Variants in ZNF35 observed in about 807,000 individuals in gnomAD.
ZNF35 encodes zinc finger protein 35 (clone HF.10).
A neutral mutation model predicts 45.9 loss-of-function variants in ZNF35; 31 were observed. The ratio of observed to expected loss-of-function variants is 0.68; its 90% CI spans 0.51 to 0.91. ZNF35 has a LOEUF of 0.91. Ranked by LOEUF, ZNF35 falls within the 40% of genes least tolerant of loss-of-function variation. The pLI is 0.00. For synonymous variants in ZNF35, 205 were observed against 220.2 expected, an observed-to-expected ratio of 0.93 and a Z score of 0.61; for missense variants, 515 against 625.4, an observed-to-expected ratio of 0.82 and a Z score of 1.88.
chr3:44,651,610 T>TTGA (rs1276919189), intron 2 of ZNF35, among the ~76,000 whole-genome samples: 2 of 152,092 alleles, frequency 1.3e-5, no homozygotes, highest in Non-Finnish European at 2.9e-5. Context: ...GGAGGATCAC[T>TTGA]TGAGGTCAGG....
Position 44,659,832 on chromosome 3 carries a change from C to A in ZNF35, c.1469C>A (p.Thr490Asn), listed in dbSNP as rs375745858. ...GKAFRQRSSL[T>N]VHQRTHTGEK... ...GCCTTCAGACAGAGGTCGAGCCTCA[C>A]CGTGCACCAGAGAACCCACACTGGG... is the stretch of plus-strand genomic sequence containing the variant. The change falls in exon 4 of 4, where the codon ACC (threonine) becomes AAC (asparagine). Residue 490 changes from threonine to asparagine, a missense_variant. By Grantham distance (65) the Thr-to-Asn change is moderately conservative. Transcript: ENST00000396056. The surrounding 1 kb of genome is among the most constrained non-coding windows in gnomAD (Gnocchi z 4.3). 2.7e-5 allele frequency: 44 copies of A among 1,607,196 alleles called. No individual in the cohort carries two copies. Among genetic ancestry groups the A allele is most frequent in the Non-Finnish European group, 3.6e-5 (42 of 1,177,352 alleles).
In ZNF35 at chr3:44,659,156, C is replaced by T. The variant is rs1471788133; in HGVS notation, c.793C>T (p.Leu265Phe). 6.2e-7 allele frequency: 1 copy of T among 1,614,034 alleles called. No individual in the cohort carries two copies. The highest frequency in any genetic ancestry group is 8.5e-7 in the Non-Finnish European group (1 of 1,180,032). Residue 265 changes from leucine (L) to phenylalanine (F), a missense_variant, in exon 4 of 4, where the codon CTC becomes TTC. Coordinates refer to ENST00000396056, the MANE Select transcript of ZNF35 (RefSeq NM_003420.4). The surrounding 1 kb of genome is among the most constrained non-coding windows in gnomAD (Gnocchi z 4.3). The stretch of plus-strand genomic sequence containing the variant: ...GAAGGCCTTCATTCAGAGTGCAAAC[C>T]TCGTTGTGCATCAGAGAATCCACAC... Reference protein sequence around the residue: ...CGKAFIQSANLVVHQRIHTGQ... With the variant: ...CGKAFIQSANFVVHQRIHTGQ...
At position 44,652,718 on chromosome 3, in the gene ZNF35, T is replaced by C. The variant is rs1462155733; in HGVS notation, c.337+17T>C. 1.9e-6 allele frequency: 3 copies of C among 1,538,958 alleles called. No individual in the cohort carries two copies. Among genetic ancestry groups the C allele is most frequent in the South Asian group, 1.3e-5 (1 of 78,578 alleles). On this transcript the variant is annotated intron_variant, in intron 3 of 3. Transcript: ENST00000396056. ...ACTTTCTAGGTATGGTTCAGTTCCCTGATTCTGAATCTGACCATTGGGGTT... is the reference window on the plus strand; with the variant it reads ...ACTTTCTAGGTATGGTTCAGTTCCCCGATTCTGAATCTGACCATTGGGGTT...
In ZNF35 at chr3:44,659,373, A is replaced by G; in HGVS notation, c.1010A>G (p.Asn337Ser). ...ATTACGGAAAAATGCTATGAATGTA[A>G]TGAATGTGGGAAAACATTTACTAGG... The part of the protein sequence containing the change: ...VHITEKCYEC[N>S]ECGKTFTRSS... Residue 337 changes from asparagine to serine, a missense_variant, in exon 4 of 4, where the codon AAT becomes AGT. Physicochemically the swap from Asn to Ser is conservative, Grantham distance 46. Around this residue, in one of 3 missense-constraint regions of ZNF35, gnomAD observed 232 missense variants for 304.6 expected, o/e 0.76. Coordinates refer to ENST00000396056, the MANE Select transcript of ZNF35 (RefSeq NM_003420.4). The surrounding 1 kb of genome is among the most constrained non-coding windows in gnomAD (Gnocchi z 4.3). 6.2e-7 allele frequency: 1 copy of G among 1,613,968 alleles called. No homozygotes were observed. Among genetic ancestry groups the G allele is most frequent in the African/African-American group, 1.3e-5 (1 of 75,036 alleles).
intron 1 of ZNF35, 84 bp from the exon 2 acceptor site, chr3:44,650,857 T>C (rs975836538): frequency 2.0e-6 from 1 of 495,954 alleles, no homozygotes; most frequent in Non-Finnish European, 3.6e-6. Flanking sequence ...CTGGTGAAAT[T>C]TGCCGGTGTG....
upstream of ZNF35, chr3:44,647,487 A>C (rs1054586477): frequency 6.6e-5 from 10 of 152,214 alleles, no homozygotes; most frequent in African/African-American, 2.2e-4. Flanking sequence ...CGTTCACACA[A>C]AAACCTGTAT....
chr3:44,646,601 T>A, upstream of ZNF35: 1 of 851,744 alleles, frequency 1.2e-6, no homozygotes, highest in Non-Finnish European at 2.0e-6. Flanking sequence ...CTTCAAAATA[T>A]TATTATGATG....
intron 2 of ZNF35, 64 bp downstream of exon 2, chr3:44,651,323 G>T: frequency 6.7e-7 from 1 of 1,503,678 alleles, no homozygotes; most frequent in Non-Finnish European, 9.0e-7. Context: ...GTTTAAGAGG[G>T]GACTCTGCCC....
chr3:44,650,380 T>C (rs1336616438), intron 1 of ZNF35, among the ~76,000 whole-genome samples: 2 of 152,202 alleles, frequency 1.3e-5, no homozygotes, highest in Admixed American at 1.3e-4. Flanking sequence ...TGCTAACACG[T>C]TGGTATAAAG....
Position 44,660,451 on chromosome 3 carries a change from G to C in ZNF35, c.*504G>C, listed in dbSNP as rs1388355627. 6.6e-6 allele frequency: 1 copy of C among 152,482 alleles called. No individual in the cohort carries two copies. Among genetic ancestry groups the C allele is most frequent in the Non-Finnish European group, 1.5e-5 (1 of 68,320 alleles). The allele number at this position is 152,482 out of a possible 1,614,324, so 9.4% of individuals were successfully genotyped here. The stretch of plus-strand genomic sequence containing the variant: ...ATGTTTATAAGCTTTCCATTTCCTA[G>C]GTAATTTTTTAAAAGCCAGTCAAAA... On this transcript the variant is annotated 3_prime_UTR_variant, in exon 4 of 4. Transcript: ENST00000396056.
upstream of ZNF35, chr3:44,646,525 A>C: frequency 6.8e-7 from 1 of 1,460,572 alleles, no homozygotes; most frequent in Non-Finnish European, 9.6e-7. Flanking sequence ...GGAACAAATA[A>C]AAGACACCAC....
At chr3:44,653,250 G>A (rs977227399) in intron 3 of ZNF35, among the ~76,000 whole-genome samples, 1 of 152,188 alleles carries the variant, frequency 6.6e-6, no homozygotes, top group Admixed American at 6.5e-5. Flanking sequence ...AAGGGGTGGG[G>A]AATGGATAAG....
chr3:44,653,007 T>C (rs1422985460), intron 3 of ZNF35, among the ~76,000 whole-genome samples: 1 of 152,048 alleles, frequency 6.6e-6, no homozygotes, highest in Non-Finnish European at 1.5e-5. Flanking sequence ...ACATAGAATT[T>C]TACTAGGTGT....
rs1703371994 is a variant in ZNF35, at chr3:44,659,863, G to A, written c.1500G>A (p.Lys500=). The A allele has an allele frequency of 6.2e-7, 1 of 1,612,446 alleles. No individual in the cohort carries two copies. The highest frequency in any genetic ancestry group is 1.3e-5 in the African/African-American group (1 of 74,982). Reference sequence around the variant, plus strand: ...ACCAGAGAACCCACACTGGGGAGAAGCCCTATGAATGTGAGAAGTGTGGTG... The same window carrying A: ...ACCAGAGAACCCACACTGGGGAGAAACCCTATGAATGTGAGAAGTGTGGTG... The part of the protein sequence containing the change: ...TVHQRTHTGE[K]PYECEKCGAA... The change falls in exon 4 of 4, where the codon AAG becomes AAA. Residue 500 remains lysine, a synonymous_variant. Coordinates refer to ENST00000396056, the MANE Select transcript of ZNF35 (RefSeq NM_003420.4). This position sits in a 1 kb window ranked among gnomAD's most constrained non-coding sequence, Gnocchi z 4.3.
chr3:44,647,971 G>GT (rs1467548118), upstream of ZNF35: 1 of 152,064 alleles, frequency 6.6e-6, no homozygotes, highest in Non-Finnish European at 1.5e-5. Flanking sequence ...TTCATTTTAT[G>GT]TAAGATGTAA....
intron 3 of ZNF35, among the ~76,000 whole-genome samples, chr3:44,655,340 A>G (rs1703280611): frequency 6.6e-6 from 1 of 152,072 alleles, no homozygotes; most frequent in African/African-American, 2.4e-5. Context: ...AATTTAGTAA[A>G]TCAAATTACC....
intron 3 of ZNF35, among the ~76,000 whole-genome samples, chr3:44,656,633 T>C (rs1329084077): frequency 1.3e-5 from 2 of 150,750 alleles, no homozygotes; most frequent in Non-Finnish European, 2.9e-5. Flanking sequence ...CCTCAGGTGA[T>C]CCACCCGTTT....
Position 44,660,131 on chromosome 3 carries a change from T to A in ZNF35, c.*184T>A, listed in dbSNP as rs756015763. 2.2e-5 allele frequency: 13 copies of A among 581,338 alleles called. No homozygotes were observed. The highest frequency in any genetic ancestry group is 3.7e-5 in the African/African-American group (2 of 53,684). 36.0% of individuals were successfully genotyped at this position (581,338 alleles called of 1,614,324 possible). A position where few individuals can be genotyped will look rare whatever the true frequency, so the allele number is the denominator to read the frequency against. On this transcript the variant is annotated 3_prime_UTR_variant, in exon 4 of 4. Transcript: ENST00000396056. ...TCAGAGGCTAATTTAAAACAAAAAG[T>A]AAGCACCTAAAGGCAAGGACTTTGT... is the stretch of plus-strand genomic sequence containing the variant.
chr3:44,652,767 G>GA, intron 3 of ZNF35, 66 bp downstream of exon 3: 1 of 1,462,042 alleles, frequency 6.8e-7, no homozygotes, highest in Non-Finnish European at 9.1e-7. Flanking sequence ...TCAGAGACTG[G>GA]TGGGCATCCA....
Sources: gnomAD v4.1 joint callset for allele counts (sites outside exome capture counted in the v4.1 genomes callset) on GRCh38, gnomAD v4.1.1 for gene constraint, gnomAD v4.1.1 regional missense constraint, Gnocchi (gnomAD v3.1) non-coding constraint, MANE v1.5 for transcripts, NCBI Gene and HGNC (gene_info 2026-07-23, HGNC 2026-07-21) for gene names.